ZNF106: variants seen among roughly 807,000 people sequenced by gnomAD.
ZNF106 encodes the protein SH3-domain binding protein 3.
ZNF106 carries 67 observed loss-of-function variants against 195.1 expected under a neutral mutation model. That is an observed-to-expected ratio of 0.34 (90% CI 0.28 to 0.42). ZNF106 has a LOEUF of 0.42. Ranked by LOEUF, ZNF106 falls within the 10% of genes least tolerant of loss-of-function variation. ZNF106 has a pLI of 1.00. For missense variants in ZNF106, 2,118 were observed against 2,304.5 expected (o/e 0.92, Z 1.66); for synonymous variants, 784 against 818.6 (o/e 0.96, Z 0.72).
In ZNF106 at chr15:42,428,128, C is replaced by G. The variant is rs771634633; in HGVS notation, c.4888G>C (p.Glu1630Gln). 1 of 1,613,902 alleles carries G rather than the reference C, an allele frequency of 6.2e-7. No individual in the cohort carries two copies. Among genetic ancestry groups the G allele is most frequent in the East Asian group, 2.2e-5 (1 of 44,874 alleles). ...TIRCYNVKSRECVEQLQLEDR... is the reference protein window; with the variant it reads ...TIRCYNVKSRQCVEQLQLEDR... ...TCCAGCTGTAACTGCTCCACACACT[C>G]TCGGCTCTGATAAAAGCACACAACC... is the stretch of plus-strand genomic sequence containing the variant. The change falls in exon 15 of 22, where the codon GAG becomes CAG. Residue 1630 changes from glutamate to glutamine, a missense_variant. Transcript: ENST00000564754.
At chr15:42,424,200 T>G in intron 16 of ZNF106, 140 bp from the exon 17 acceptor site, 1 of 683,566 alleles carries the variant, frequency 1.5e-6, no homozygotes, top group Non-Finnish European at 2.4e-6. Context: ...GTTTCTCAGA[T>G]GAATTTTCTC....
rs2054333103 is a variant in ZNF106, at chr15:42,413,341, G to A, written c.*3963C>T. On this transcript the variant is annotated 3_prime_UTR_variant, in exon 22 of 22. Coordinates refer to ENST00000564754, the MANE Select transcript of ZNF106 (RefSeq NM_001366845.3). ...CACTTCTCTTAAACCCGAGGAACCT[G>A]ATGATTTGGGGGCAGGGATAAAACC... 1.3e-5 allele frequency: 2 copies of A among 152,186 alleles called. No individual in the cohort carries two copies. The highest frequency in any genetic ancestry group is 2.4e-5 in the African/African-American group (1 of 41,440). 9.4% of individuals were successfully genotyped at this position (152,186 alleles called of 1,614,324 possible).
chr15:42,422,405 G>T, intron 18 of ZNF106, 96 bp downstream of exon 18: 1 of 1,442,220 alleles, frequency 6.9e-7, no homozygotes, highest in South Asian at 1.4e-5. Context: ...CAGATTCCTG[G>T]GTTCCATCCC....
chr15:42,424,529 A>G (rs1345006582), intron 16 of ZNF106: 1 of 325,510 alleles, frequency 3.1e-6, no homozygotes, highest in Non-Finnish European at 5.7e-6. Context: ...TCTGTTGCCC[A>G]TGCTAGAGTA....
Position 42,450,461 on chromosome 15 carries a change from A to C in ZNF106, c.1811T>G (p.Phe604Cys). Residue 604 changes from phenylalanine to cysteine, a missense_variant, in exon 5 of 22, where the codon TTT becomes TGT. By Grantham distance (205) the Phe-to-Cys change is radical. Coordinates refer to ENST00000564754, the MANE Select transcript of ZNF106 (RefSeq NM_001366845.3). ...TTCATCTTCTAGTGCGTGCACTTGA[A>C]ACTCAATTTTCAAAGACCCTTTTTC... ...ESEKGSLKIE[F>C]QVHALEDESD... 1 of 1,614,112 alleles carries C rather than the reference A, an allele frequency of 6.2e-7. No individual in the cohort carries two copies. The highest frequency in any genetic ancestry group is 8.5e-7 in the Non-Finnish European group (1 of 1,180,040).
At chr15:42,486,129 T>C (rs2057010450) in intron 1 of ZNF106, among the ~76,000 whole-genome samples, 1 of 151,898 alleles carries the variant, frequency 6.6e-6, no homozygotes, top group Non-Finnish European at 1.5e-5. Flanking sequence ...CCAGCTAACT[T>C]TTGTATTTTT....
intron 3 of ZNF106, among the ~76,000 whole-genome samples, chr15:42,460,431 A>G (rs984707560): frequency 1.3e-5 from 2 of 152,236 alleles, no homozygotes; most frequent in Non-Finnish European, 2.9e-5. Context: ...GCACAAACAT[A>G]TGTTGGATTC....
intron 20 of ZNF106, among the ~76,000 whole-genome samples, chr15:42,418,275 G>T (rs2054526175): frequency 2.0e-5 from 3 of 151,836 alleles, no homozygotes; most frequent in Non-Finnish European, 1.5e-5. Flanking sequence ...TGTATTTTTT[G>T]ATGTTGCCAT....
At chr15:42,418,043 G>C in intron 20 of ZNF106, 92 bp from the exon 21 acceptor site, 1 of 1,306,734 alleles carries the variant, frequency 7.7e-7, no homozygotes, top group Non-Finnish European at 1.0e-6. Context: ...AAGCACTATG[G>C]AAGCAAAAAG....
chr15:42,444,084 C>T, intron 9 of ZNF106, 118 bp downstream of exon 9: 1 of 683,748 alleles, frequency 1.5e-6, no homozygotes. Context: ...TGCACTCCAG[C>T]CTGGGAAATA....
chr15:42,426,818 C>T (rs1267152228), intron 15 of ZNF106, among the ~76,000 whole-genome samples: 2 of 152,142 alleles, frequency 1.3e-5, no homozygotes, highest in Non-Finnish European at 2.9e-5. Context: ...TGCCCTAATC[C>T]AATTTAATCA....
intron 10 of ZNF106, 108 bp from the exon 11 acceptor site, chr15:42,439,921 C>G (rs2055438619): frequency 8.5e-7 from 1 of 1,177,650 alleles, no homozygotes; most frequent in Non-Finnish European, 1.1e-6. Context: ...AAAACCATGA[C>G]TGTTTCAGCT....
chr15:42,463,604 C>T (rs1003903720), intron 3 of ZNF106, among the ~76,000 whole-genome samples: 2 of 151,972 alleles, frequency 1.3e-5, no homozygotes, highest in African/African-American at 4.8e-5. Context: ...AAATGAAAGA[C>T]AGAGAGGAAC....
chr15:42,451,199 C>G lies in ZNF106; in HGVS notation c.1073G>C (p.Ser358Thr). The G allele has an allele frequency of 6.2e-7, 1 of 1,614,104 alleles. No homozygotes were observed. Among genetic ancestry groups the G allele is most frequent in the Non-Finnish European group, 8.5e-7 (1 of 1,180,012 alleles). The change falls in exon 5 of 22, where the codon AGT becomes ACT. Residue 358 changes from serine to threonine, a missense_variant. Ser to Thr is a moderately conservative substitution (Grantham distance 58). Transcript: ENST00000564754. Reference sequence around the variant, plus strand: ...CCTTGCCGCACTGCCATTCTTTCCACTAACTTTGGAAGTAGCAGTGTCTGC... The same window carrying G: ...CCTTGCCGCACTGCCATTCTTTCCAGTAACTTTGGAAGTAGCAGTGTCTGC... ...KQADTATSKV[S>T]GKNGSAAREK...
chr15:42,460,235 T>C (rs1054722892), intron 3 of ZNF106, among the ~76,000 whole-genome samples: 2 of 152,112 alleles, frequency 1.3e-5, no homozygotes, highest in Non-Finnish European at 2.9e-5. Context: ...ATTTTATCCT[T>C]ACTTCTAAAA....
intron 4 of ZNF106, among the ~76,000 whole-genome samples, chr15:42,454,328 A>G (rs923443309): frequency 1.4e-4 from 21 of 151,894 alleles, no homozygotes; most frequent in African/African-American, 5.1e-4. Context: ...TTTTATAACC[A>G]TTAACCAAAT....
Position 42,471,513 on chromosome 15 carries a change from C to T in ZNF106, c.54+723G>A, listed in dbSNP as rs185039932. Among the ~76,000 whole-genome samples, 111 of 152,208 alleles carry T rather than the reference C, an allele frequency of 7.3e-4. 2 individuals are homozygous for T. The highest frequency in any genetic ancestry group is 1.5e-3 in the Non-Finnish European group (99 of 67,994). On this transcript the variant is annotated intron_variant, in intron 2 of 21. Coordinates refer to ENST00000564754, the MANE Select transcript of ZNF106 (RefSeq NM_001366845.3). ...GACAGGCCCGAGGCAGGTGAAAAAC[C>T]TGTGGTCAGGAGTTCAAGACCAGCC...
Position 42,457,157 on chromosome 15 carries a change from C to A in ZNF106, c.118G>T (p.Asp40Tyr), listed in dbSNP as rs1374918686. 12 of 1,614,144 alleles carry A rather than the reference C, an allele frequency of 7.4e-6. No individual in the cohort carries two copies. The South Asian group carries it at 1.3e-4, about 18-fold the overall frequency. ...CACACTCGGCACTCATGACTAATGT[C>A]CCTAGGGAAAGAGGGAGATGAGGGA... is the stretch of plus-strand genomic sequence containing the variant. The part of the protein sequence containing the change: ...HRELENLKGR[D>Y]ISHECRVCGV... The change falls in exon 4 of 22, where the codon GAC becomes TAC. Residue 40 changes from aspartate (D) to tyrosine (Y), a missense_variant and splice_region_variant. Transcript: ENST00000564754.
intron 4 of ZNF106, among the ~76,000 whole-genome samples, chr15:42,456,666 A>AG (rs1237435100): frequency 6.6e-6 from 1 of 152,112 alleles, no homozygotes; most frequent in African/African-American, 2.4e-5. Flanking sequence ...AAAAAAAAAA[A>AG]AAAAGATTTG....
Sources: allele counts gnomAD v4.1 joint callset (sites outside exome capture counted in the v4.1 genomes callset), GRCh38; gene constraint gnomAD v4.1.1; transcripts MANE v1.5; gene names NCBI Gene and HGNC (gene_info 2026-07-23, HGNC 2026-07-21).